The following TENT4B variants were observed in gnomAD, a reference collection of about 807,000 sequenced individuals.
The protein encoded by TENT4B is terminal nucleotidyltransferase 4B.
In TENT4B, 10 loss-of-function variants were observed where a neutral mutation model predicts 75.0. The ratio of observed to expected loss-of-function variants is 0.13; its 90% CI spans 0.08 to 0.23. TENT4B has a LOEUF of 0.23. TENT4B is among the 10% of genes least tolerant of loss of function. The pLI is 1.00. For synonymous variants in TENT4B, 350 were observed against 357.7 expected (o/e 0.98, Z 0.24); for missense variants, 579 against 893.8 (o/e 0.65, Z 4.49).
chr16:50,212,290 T>C (rs766701434), intron 2 of TENT4B, among the ~76,000 whole-genome samples: 28 of 152,110 alleles, frequency 1.8e-4, no homozygotes, highest in Admixed American at 1.4e-3. Flanking sequence ...ACTCCTGGGT[T>C]CAAGCAATGT....
intron 1 of TENT4B, among the ~76,000 whole-genome samples, chr16:50,155,701 G>A (rs1369768402): frequency 6.6e-6 from 1 of 152,130 alleles, no homozygotes; most frequent in Non-Finnish European, 1.5e-5. Flanking sequence ...CTTCAAGGGT[G>A]CTCTCCATGG....
chr16:50,194,826 G>T (rs2030110746), intron 1 of TENT4B, among the ~76,000 whole-genome samples: 1 of 142,904 alleles, frequency 7.0e-6, no homozygotes. Context: ...TCGGCTCACT[G>T]CAAGCTCTGC....
chr16:50,192,783 A>G (rs1172951490), intron 1 of TENT4B, among the ~76,000 whole-genome samples: 1 of 152,154 alleles, frequency 6.6e-6, no homozygotes, highest in Non-Finnish European at 1.5e-5. Flanking sequence ...CTTCTTTTCA[A>G]CCATTAAAAA....
At chr16:50,219,982 CT>C (rs1457235645) in intron 5 of TENT4B, among the ~76,000 whole-genome samples, 49 of 74,940 alleles carry the variant, frequency 6.5e-4, no homozygotes, top group African/African-American at 1.8e-3. Flanking sequence ...ACCTGGCTAA[CT>C]TTTTTTTTAA....
At chr16:50,173,937 G>T (rs541386349) in intron 1 of TENT4B, among the ~76,000 whole-genome samples, 7 of 151,354 alleles carry the variant, frequency 4.6e-5, no homozygotes, top group Non-Finnish European at 7.4e-5. Flanking sequence ...TAGGTGATCT[G>T]CCCGCCTCGG....
chr16:50,193,405 T>C (rs1361801752), intron 1 of TENT4B, among the ~76,000 whole-genome samples: 1 of 145,458 alleles, frequency 6.9e-6, no homozygotes, highest in Non-Finnish European at 1.5e-5. Context: ...TGGCACGATC[T>C]CGGCTCACTG....
chr16:50,191,368 A>G (rs1480942491), intron 1 of TENT4B, among the ~76,000 whole-genome samples: 3 of 151,958 alleles, frequency 2.0e-5, no homozygotes, highest in African/African-American at 7.2e-5. Context: ...CCTTGCTAAC[A>G]CTTAGTATTT....
chr16:50,217,287 AAAAT>A (rs1325330091), intron 4 of TENT4B, among the ~76,000 whole-genome samples: 4 of 152,240 alleles, frequency 2.6e-5, no homozygotes, highest in African/African-American at 9.6e-5. Context: ...ATAAACAATA[AAAAT>A]AAATAATAAA....
chr16:50,178,295 C>A (rs1329070156), intron 1 of TENT4B, among the ~76,000 whole-genome samples: 2 of 151,486 alleles, frequency 1.3e-5, no homozygotes, highest in African/African-American at 2.4e-5. Context: ...ACTTGCACAA[C>A]AAATTTTTAA....
Position 50,223,301 on chromosome 16 carries a change from C to T in TENT4B, c.1295C>T (p.Ser432Leu). 6.2e-7 allele frequency: 1 copy of T among 1,613,814 alleles called. No homozygotes were observed. The highest frequency in any genetic ancestry group is 8.5e-7 in the Non-Finnish European group (1 of 1,179,826). Residue 432 changes from serine (S) to leucine (L), a missense_variant, in exon 7 of 12, where the codon TCA becomes TTA. By Grantham distance (145) the Ser-to-Leu change is moderately radical (BLOSUM62 -2). This residue lies in a region of TENT4B where 71 missense variants were observed against 210.6 expected (regional missense o/e 0.34). Transcript: ENST00000561678. Reference sequence around the variant, plus strand: ...GGCATCCGGATAAAGGATGGTGGTTCATATGTGGCCAAAGATGAAGTACAG... The same window carrying T: ...GGCATCCGGATAAAGGATGGTGGTTTATATGTGGCCAAAGATGAAGTACAG... Reference protein sequence around the residue: ...KTGIRIKDGGSYVAKDEVQKN... With the variant: ...KTGIRIKDGGLYVAKDEVQKN...
chr16:50,188,283 A>G (rs9923274), intron 1 of TENT4B, among the ~76,000 whole-genome samples: 3,078 of 152,278 alleles, frequency 0.02, 111 homozygotes, highest in African/African-American at 0.071. Context: ...GAGGTAACTC[A>G]GTTCCCTCAT....
At chr16:50,162,535 TATTA>T (rs1290149076) in intron 1 of TENT4B, among the ~76,000 whole-genome samples, 6 of 152,214 alleles carry the variant, frequency 3.9e-5, no homozygotes, top group Non-Finnish European at 8.8e-5. Context: ...TTTTGCCTTA[TATTA>T]ATCAATAAAA....
intron 1 of TENT4B, among the ~76,000 whole-genome samples, chr16:50,199,918 A>G (rs961828533): frequency 2.0e-5 from 3 of 152,348 alleles, no homozygotes; most frequent in Non-Finnish European, 2.9e-5. Flanking sequence ...GATTACAGCT[A>G]TACACCACTG....
intron 1 of TENT4B, among the ~76,000 whole-genome samples, chr16:50,209,974 C>T (rs149534563): frequency 1.3e-5 from 2 of 152,242 alleles, no homozygotes; most frequent in East Asian, 3.9e-4. Flanking sequence ...CTGAAGTTGC[C>T]ATGCAGTTGC....
chr16:50,196,763 C>T (rs1397064930), intron 1 of TENT4B, among the ~76,000 whole-genome samples: 1 of 138,702 alleles, frequency 7.2e-6, no homozygotes, highest in Admixed American at 7.2e-5. Flanking sequence ...CCTGTCTCTA[C>T]AAAAAAAAAA....
chr16:50,213,364 T>A (rs1479403721), intron 2 of TENT4B, among the ~76,000 whole-genome samples: 1 of 152,184 alleles, frequency 6.6e-6, no homozygotes, highest in Non-Finnish European at 1.5e-5. Flanking sequence ...CGGCCTATCC[T>A]TTTTTTATTA....
intron 5 of TENT4B, among the ~76,000 whole-genome samples, chr16:50,219,848 G>A (rs570305024): frequency 2.1e-5 from 3 of 145,712 alleles, no homozygotes; most frequent in South Asian, 2.2e-4. Flanking sequence ...TTTTGACACC[G>A]AGTCTCACTC....
At chr16:50,183,871 C>T (rs2038472601) in intron 1 of TENT4B, among the ~76,000 whole-genome samples, 1 of 152,030 alleles carries the variant, frequency 6.6e-6, no homozygotes, top group Non-Finnish European at 1.5e-5. Flanking sequence ...ATGGTGAAAC[C>T]CCGTCTCTAC....
At chr16:50,165,058 AT>A (rs5816678) in intron 1 of TENT4B, among the ~76,000 whole-genome samples, 97,705 of 148,258 alleles carry the variant, frequency 0.66, 33,428 homozygotes, top group South Asian at 0.76. Context: ...CGTCTGAAAA[AT>A]TTTTTTTTTT....
Sources: gnomAD v4.1 joint callset for allele counts (sites outside exome capture counted in the v4.1 genomes callset) on GRCh38, gnomAD v4.1.1 for gene constraint, gnomAD v4.1.1 regional missense constraint, MANE v1.5 for transcripts, NCBI Gene and HGNC (gene_info 2026-07-23, HGNC 2026-07-21) for gene names.